CNTNAP5: variants seen among roughly 807,000 people sequenced by gnomAD.
CNTNAP5 encodes the protein contactin-associated protein-like 5.
A neutral mutation model predicts 150.2 loss-of-function variants in CNTNAP5; 72 were observed. The observed-to-expected ratio is 0.48, with a 90% confidence interval of 0.40 to 0.58. The LOEUF (loss-of-function observed/expected upper bound fraction) is 0.58, where lower values mean the gene tolerates loss of function less well. CNTNAP5 is among the 20% of genes least tolerant of loss of function. CNTNAP5 has a pLI of 0.00. For synonymous variants in CNTNAP5, 672 were observed against 619.8 expected, an observed-to-expected ratio of 1.08 and a Z score of -1.25; for missense variants, 1,636 against 1,626.2, an observed-to-expected ratio of 1.01 and a Z score of -0.10.
intron 13 of CNTNAP5, among the ~76,000 whole-genome samples, chr2:124,671,666 G>T (rs1484864778): frequency 6.6e-6 from 1 of 152,026 alleles, no homozygotes; most frequent in Admixed American, 6.6e-5. Flanking sequence ...TTGAGATGGG[G>T]TCTCACTCTG....
chr2:124,098,782 G>A (rs991815412), intron 1 of CNTNAP5, among the ~76,000 whole-genome samples: 1 of 152,114 alleles, frequency 6.6e-6, no homozygotes, highest in African/African-American at 2.4e-5. Flanking sequence ...AAATGGCGTA[G>A]AGCTTCAGTC....
intron 7 of CNTNAP5, among the ~76,000 whole-genome samples, chr2:124,498,180 GA>G (rs1694196726): frequency 6.6e-6 from 1 of 152,172 alleles, no homozygotes; most frequent in Non-Finnish European, 1.5e-5. Context: ...CGTCTTCAAG[GA>G]AGGCGCTGCT....
intron 8 of CNTNAP5, among the ~76,000 whole-genome samples, chr2:124,519,281 T>A (rs1307622079): frequency 2.0e-5 from 3 of 152,128 alleles, no homozygotes; most frequent in African/African-American, 4.8e-5. Context: ...AGTGATTGTA[T>A]AACTCTGAAT....
chr2:124,813,382 T>C (rs1279822915), intron 19 of CNTNAP5, among the ~76,000 whole-genome samples: 3 of 151,832 alleles, frequency 2.0e-5, no homozygotes, highest in Admixed American at 6.6e-5. Flanking sequence ...TGGCCTGTTT[T>C]TTTTTTCTTT....
intron 1 of CNTNAP5, among the ~76,000 whole-genome samples, chr2:124,160,605 A>G (rs1684653663): frequency 1.3e-5 from 2 of 152,270 alleles, no homozygotes; most frequent in African/African-American, 2.4e-5. Context: ...AGGTATACAG[A>G]ATAGTGGCAT....
rs145078139 is a variant in CNTNAP5 at position 124,108,698 on chromosome 2, G to A, written c.82+82966G>A. ...CACTTAGATAATATTATTTTCTAAC[G>A]TTTATTTGCCACACAGCAAGATAAT... On this transcript the variant is annotated intron_variant, in intron 1 of 23. Transcript: ENST00000682447. 2.4e-3 allele frequency among the ~76,000 whole-genome samples: 361 copies of A among 152,194 alleles called. 1 individual carries two copies. The highest frequency in any genetic ancestry group is 8.2e-3 in the African/African-American group (340 of 41,556).
At chr2:124,254,487 G>A (rs1573869368) in intron 3 of CNTNAP5, among the ~76,000 whole-genome samples, 1 of 152,182 alleles carries the variant, frequency 6.6e-6, no homozygotes, top group Non-Finnish European at 1.5e-5. Flanking sequence ...GATAGAGGAA[G>A]CATCTGCCAT....
intron 3 of CNTNAP5, among the ~76,000 whole-genome samples, chr2:124,380,719 A>G (rs2104737347): frequency 6.6e-6 from 1 of 152,268 alleles, no homozygotes; most frequent in East Asian, 1.9e-4. Flanking sequence ...AGCAGTTTAA[A>G]GATGACAGCC....
chr2:124,062,721 C>CT (rs1430109418), intron 1 of CNTNAP5, among the ~76,000 whole-genome samples: 3 of 152,172 alleles, frequency 2.0e-5, no homozygotes, highest in Admixed American at 6.5e-5. Flanking sequence ...TAAGAAAGCT[C>CT]TAAGTTGTCT....
In CNTNAP5 at chr2:124,434,528, A is replaced by C; in HGVS notation, c.574A>C (p.Arg192=). ...TGATGGCCGAAGCTCACTTCTGTAC[A>C]GGTTCAATCAGAAGTTGATGAGTAC... ...DFDGRSSLLY[R]FNQKLMSTLK... is the part of the protein sequence containing the mutation. The change falls in exon 5 of 24, where the codon AGG becomes CGG. Residue 192 remains arginine (R), a synonymous_variant. Transcript: ENST00000682447. 1 of 1,613,858 alleles carries C rather than the reference A, an allele frequency of 6.2e-7. No individual in the cohort carries two copies. The highest frequency in any genetic ancestry group is 2.2e-5 in the East Asian group (1 of 44,900).
intron 1 of CNTNAP5, among the ~76,000 whole-genome samples, chr2:124,121,481 G>A (rs975123536): frequency 3.3e-5 from 5 of 152,184 alleles, no homozygotes; most frequent in African/African-American, 1.2e-4. Context: ...CAGTGGCGCT[G>A]CAGGAGAGAC....
At chr2:124,528,964 G>T (rs564094509) in intron 10 of CNTNAP5, among the ~76,000 whole-genome samples, 1 of 151,972 alleles carries the variant, frequency 6.6e-6, no homozygotes, top group African/African-American at 2.4e-5. Flanking sequence ...AATGAGCTGC[G>T]TAACTTGGTG....
At chr2:124,462,114 A>G (rs1188774511) in intron 6 of CNTNAP5, among the ~76,000 whole-genome samples, 79 of 152,308 alleles carry the variant, frequency 5.2e-4, no homozygotes, top group African/African-American at 1.8e-3. Context: ...AAGTTGAAGA[A>G]GTCTCCAATC....
At chr2:124,673,764 TAA>T (rs34165774) in intron 13 of CNTNAP5, among the ~76,000 whole-genome samples, 59 of 143,116 alleles carry the variant, frequency 4.1e-4, no homozygotes, top group African/African-American at 6.6e-4. Context: ...CCTACAGCAT[TAA>T]AAAAAAAAAA....
At chr2:124,042,798 C>CTATCTATG (rs1274871417) in intron 1 of CNTNAP5, among the ~76,000 whole-genome samples, 5 of 150,048 alleles carry the variant, frequency 3.3e-5, no homozygotes, top group Non-Finnish European at 5.9e-5. Context: ...ATCTATCTAT[C>CTATCTATG]TATCTATCTA....
chr2:124,218,179 A>AT (rs1166019136), intron 1 of CNTNAP5, among the ~76,000 whole-genome samples: 22 of 152,122 alleles, frequency 1.4e-4, no homozygotes, highest in Admixed American at 6.5e-5. Context: ...TGAGGTTGCA[A>AT]TTTTTTGAAT....
chr2:124,548,272 C>A (rs911069521), intron 10 of CNTNAP5, among the ~76,000 whole-genome samples: 8 of 152,246 alleles, frequency 5.3e-5, no homozygotes, highest in Middle Eastern at 3.4e-3. Context: ...AAGTTGTTGG[C>A]CAGCTGTAGT....
intron 11 of CNTNAP5, among the ~76,000 whole-genome samples, chr2:124,591,514 C>T (rs770685478): frequency 1.3e-5 from 2 of 152,132 alleles, no homozygotes; most frequent in Admixed American, 6.5e-5. Context: ...GAAAGGAAGT[C>T]TACCTAACTC....
chr2:124,025,360 T>G lies in CNTNAP5; in HGVS notation c.-291T>G. 2 of 381,612 alleles carry G rather than the reference T, an allele frequency of 5.2e-6. No homozygotes were observed. The highest frequency in any genetic ancestry group is 3.6e-5 in the South Asian group (1 of 27,936). The allele number at this position is 381,612 out of a possible 1,614,324, so 23.6% of individuals were successfully genotyped here. On this transcript the variant is annotated 5_prime_UTR_variant, in exon 1 of 24. Coordinates refer to ENST00000682447, the MANE Select transcript of CNTNAP5 (RefSeq NM_001367498.1). ...TCCGGCGCCTGTCGTTCTAATTGGG[T>G]TTGGATTTGCACCGTTAAGGAGGGG... is the stretch of plus-strand genomic sequence containing the variant.
Sources: allele counts gnomAD v4.1 joint callset (sites outside exome capture counted in the v4.1 genomes callset), GRCh38; gene constraint gnomAD v4.1.1; transcripts MANE v1.5; gene names NCBI Gene and HGNC (gene_info 2026-07-23, HGNC 2026-07-21).